The following SEMA3E variants were observed in gnomAD, a reference collection of about 807,000 sequenced individuals.
SEMA3E encodes semaphorin-3E.
A neutral mutation model predicts 93.6 loss-of-function variants in SEMA3E; 49 were observed. The observed-to-expected ratio is 0.52, with a 90% CI of 0.42 to 0.66. SEMA3E has a LOEUF of 0.66. SEMA3E is among the 30% of genes least tolerant of loss of function. The pLI, the probability that SEMA3E is intolerant of heterozygous loss-of-function variation, is 0.00. For synonymous variants in SEMA3E, 363 were observed against 330.7 expected (o/e 1.10, Z -1.06); for missense variants, 906 against 964.8 (o/e 0.94, Z 0.81).
At chr7:83,512,615 T>C (rs188035390) in intron 1 of SEMA3E, among the ~76,000 whole-genome samples, 53 of 152,300 alleles carry the variant, frequency 3.5e-4, no homozygotes, top group Middle Eastern at 3.4e-3. Flanking sequence ...AACATTAATT[T>C]GCACTTAAAA....
In SEMA3E at chr7:83,387,054, A is replaced by G. The variant is rs1415106951; in HGVS notation, c.1668-4T>C. On this transcript the variant is annotated splice_polypyrimidine_tract_variant and splice_region_variant and intron_variant, in intron 14 of 16. Coordinates refer to ENST00000643230, the MANE Select transcript of SEMA3E (RefSeq NM_012431.3). ...AACATCTTGTCTCCGGAAACGCCTG[A>G]AAGAAAGTAAATGCATTTAGATGTT... The G allele has an allele frequency of 6.2e-7, 1 of 1,612,716 alleles. No individual in the cohort carries two copies. The highest frequency in any genetic ancestry group is 2.2e-5 in the East Asian group (1 of 44,734).
intron 1 of SEMA3E, among the ~76,000 whole-genome samples, chr7:83,624,509 C>T (rs1365523703): frequency 1.3e-5 from 2 of 152,148 alleles, no homozygotes; most frequent in Non-Finnish European, 2.9e-5. Context: ...TTGTTGGCCA[C>T]TTAAGTGTCT....
intron 1 of SEMA3E, among the ~76,000 whole-genome samples, chr7:83,580,322 C>T (rs1792493911): frequency 6.6e-6 from 1 of 151,936 alleles, no homozygotes; most frequent in South Asian, 2.1e-4. Context: ...GTAATATAGT[C>T]AAAACTGACC....
At chr7:83,555,625 C>G (rs1482225056) in intron 1 of SEMA3E, among the ~76,000 whole-genome samples, 1 of 152,118 alleles carries the variant, frequency 6.6e-6, no homozygotes, top group African/African-American at 2.4e-5. Flanking sequence ...TGTTACAAAT[C>G]AGCAAATCAA....
At chr7:83,382,182 A>G (rs1787789301) in intron 16 of SEMA3E, among the ~76,000 whole-genome samples, 2 of 152,062 alleles carry the variant, frequency 1.3e-5, no homozygotes, top group African/African-American at 4.8e-5. Context: ...AGTAGAAATT[A>G]CATAGACACC....
At position 83,440,918 on chromosome 7, in the gene SEMA3E, T is replaced by C. The variant is rs563850548; in HGVS notation, c.457-22435A>G. On this transcript the variant is annotated intron_variant, in intron 4 of 16. Transcript: ENST00000643230. ...AATGAGCAAGAGGGAGAGAAGAGAC[T>C]GAGAAGTTATATTAGAGCCAGACTC... Among the ~76,000 whole-genome samples, 3 of 152,068 alleles carry C rather than the reference T, an allele frequency of 2.0e-5. No homozygotes were observed. The East Asian group carries it at 5.8e-4, about 29-fold the overall frequency.
chr7:83,394,442 T>C, intron 12 of SEMA3E, 104 bp from the exon 13 acceptor site: 4 of 929,268 alleles, frequency 4.3e-6, no homozygotes. Flanking sequence ...TAAGTGGTTA[T>C]GTGTTAAGTA....
At chr7:83,522,571 C>A (rs191594336) in intron 1 of SEMA3E, among the ~76,000 whole-genome samples, 14 of 152,196 alleles carry the variant, frequency 9.2e-5, no homozygotes, top group Non-Finnish European at 1.8e-4. Flanking sequence ...ATCCCCCCAA[C>A]TTTACCAGTG....
At chr7:83,396,771 A>G (rs763656449) in intron 11 of SEMA3E, 42 bp from the exon 12 acceptor site, 3 of 1,396,614 alleles carry the variant, frequency 2.1e-6, no homozygotes, top group African/African-American at 1.4e-5. Flanking sequence ...AATCTATGTC[A>G]CAGTACGGTT....
chr7:83,597,974 C>T (rs949265280), intron 1 of SEMA3E, among the ~76,000 whole-genome samples: 4 of 152,134 alleles, frequency 2.6e-5, no homozygotes, highest in Non-Finnish European at 5.9e-5. Context: ...ATCAGGTTCA[C>T]TTTGTGGTGC....
At chr7:83,646,862 A>G (rs1186082911) in intron 1 of SEMA3E, among the ~76,000 whole-genome samples, 1 of 152,058 alleles carries the variant, frequency 6.6e-6, no homozygotes, top group Non-Finnish European at 1.5e-5. Context: ...GTACCCCAAT[A>G]ATAGGGTATA....
intron 4 of SEMA3E, among the ~76,000 whole-genome samples, chr7:83,459,612 T>C (rs1481086785): frequency 6.6e-6 from 1 of 152,184 alleles, no homozygotes; most frequent in Non-Finnish European, 1.5e-5. Context: ...CTATGATGTA[T>C]TTTGGATGTT....
intron 2 of SEMA3E, among the ~76,000 whole-genome samples, chr7:83,472,795 C>A (rs566861027): frequency 1.3e-5 from 2 of 151,598 alleles, no homozygotes; most frequent in South Asian, 4.2e-4. Flanking sequence ...AGGGAGAAAC[C>A]AGGTGGAGGT....
At chr7:83,548,077 C>T (rs979347173) in intron 1 of SEMA3E, among the ~76,000 whole-genome samples, 3 of 152,034 alleles carry the variant, frequency 2.0e-5, no homozygotes, top group Non-Finnish European at 4.4e-5. Context: ...TCCTCTATTT[C>T]CTGTCTTTGT....
At position 83,452,131 on chromosome 7, in the gene SEMA3E, ATGTGTG is replaced by A. The variant is rs67605953; in HGVS notation, c.456+14345_456+14350del. Among the ~76,000 whole-genome samples, 30 of 151,416 alleles carry A rather than the reference ATGTGTG, an allele frequency of 2.0e-4. No homozygotes were observed. The South Asian group carries it at 6.3e-3, about 32-fold the overall frequency. On this transcript the variant is annotated intron_variant, in intron 4 of 16. Transcript: ENST00000643230. ...TATATCCATATGTGTATGTGTATGTATGTGTGTGTGTGTGTGTCTGTGTGTGTGTGT... is the reference window on the plus strand; with the variant it reads ...TATATCCATATGTGTATGTGTATGTATGTGTGTGTGTCTGTGTGTGTGTGT...
intron 1 of SEMA3E, among the ~76,000 whole-genome samples, chr7:83,522,699 T>G (rs1244383601): frequency 6.6e-6 from 1 of 152,058 alleles, no homozygotes; most frequent in African/African-American, 2.4e-5. Flanking sequence ...GAAGATACAA[T>G]GGAGAAGAAT....
At chr7:83,453,956 C>G (rs997749403) in intron 4 of SEMA3E, among the ~76,000 whole-genome samples, 1 of 144,184 alleles carries the variant, frequency 6.9e-6, no homozygotes, top group Admixed American at 7.1e-5. Context: ...TTATTTTTAC[C>G]TACTATTAAA....
intron 2 of SEMA3E, among the ~76,000 whole-genome samples, chr7:83,469,688 T>C (rs1253790563): frequency 1.3e-5 from 2 of 152,172 alleles, no homozygotes; most frequent in Non-Finnish European, 2.9e-5. Flanking sequence ...TGGGCTCTCC[T>C]AATGTTTGCT....
chr7:83,535,447 C>T (rs1466805076), intron 1 of SEMA3E, among the ~76,000 whole-genome samples: 1 of 150,858 alleles, frequency 6.6e-6, no homozygotes, highest in Non-Finnish European at 1.5e-5. Context: ...ACTAAGGAGA[C>T]AGGGCAAACA....
Sources: gnomAD v4.1 joint callset for allele counts (sites outside exome capture counted in the v4.1 genomes callset) on GRCh38, gnomAD v4.1.1 for gene constraint, MANE v1.5 for transcripts, NCBI Gene and HGNC (gene_info 2026-07-23, HGNC 2026-07-21) for gene names.